ORC5: variants seen among roughly 807,000 people sequenced by gnomAD.
ORC5 encodes protein phosphatase 1, regulatory subunit 117.
Under a neutral mutation model 58.8 loss-of-function variants are expected in ORC5, and 39 were observed. The ratio of observed to expected loss-of-function variants is 0.66; its 90% confidence interval spans 0.51 to 0.87. ORC5 has a LOEUF of 0.87. Among genes scored for constraint, ORC5 ranks in the 40% least tolerant of loss-of-function variants. The probability of loss-of-function intolerance (pLI) is 0.00; values close to 1 mark genes in which losing one functional copy is unlikely to be tolerated. For synonymous variants in ORC5, 218 were observed against 177.6 expected, an observed-to-expected ratio of 1.23 and a Z score of -1.81; for missense variants, 493 against 506.3, an observed-to-expected ratio of 0.97 and a Z score of 0.25.
At chr7:104,189,215 G>C (rs564247803) in intron 5 of ORC5, among the ~76,000 whole-genome samples, 2 of 152,180 alleles carry the variant, frequency 1.3e-5, no homozygotes, top group East Asian at 3.9e-4. Context: ...AAGAAAAGAG[G>C]TTTAATTGAC....
At chr7:104,184,994 C>T (rs943342871) in intron 6 of ORC5, among the ~76,000 whole-genome samples, 2 of 152,032 alleles carry the variant, frequency 1.3e-5, no homozygotes, top group Admixed American at 6.6e-5. Context: ...CTTTCTGTAA[C>T]CTCAGGATGT....
chr7:104,137,597 G>A (rs1209392129), intron 12 of ORC5, among the ~76,000 whole-genome samples: 1 of 152,096 alleles, frequency 6.6e-6, no homozygotes, highest in Non-Finnish European at 1.5e-5. Flanking sequence ...AGAGATACAA[G>A]TGGCTGGACG....
At chr7:104,130,130 T>C (rs1051822811) in intron 13 of ORC5, among the ~76,000 whole-genome samples, 2 of 152,152 alleles carry the variant, frequency 1.3e-5, no homozygotes, top group African/African-American at 4.8e-5. Context: ...TCTTATAGTG[T>C]CTTCCCACTG....
At chr7:104,180,903 C>A (rs1030046448) in intron 8 of ORC5, among the ~76,000 whole-genome samples, 1 of 152,076 alleles carries the variant, frequency 6.6e-6, no homozygotes, top group African/African-American at 2.4e-5. Context: ...AAATTTTTAT[C>A]CATGGCTATT....
At chr7:104,156,560 CAGG>C (rs1798928633) in intron 12 of ORC5, among the ~76,000 whole-genome samples, 2 of 151,732 alleles carry the variant, frequency 1.3e-5, no homozygotes, top group Admixed American at 6.6e-5. Context: ...ACTTTTGCTT[CAGG>C]AGAATTCTGA....
In ORC5 at chr7:104,165,301, A is replaced by T; in HGVS notation, c.991-19T>A. ...CATGATGCTGCAATTAAGGAAAACAAATTTTAAGTTGAAAAGACAGTATTC... is the reference window on the plus strand; with the variant it reads ...CATGATGCTGCAATTAAGGAAAACATATTTTAAGTTGAAAAGACAGTATTC... On this transcript the variant is annotated intron_variant, in intron 10 of 13. Transcript: ENST00000297431. The T allele has an allele frequency of 6.9e-7, 1 of 1,450,902 alleles. No individual in the cohort carries two copies. 89.9% of individuals were successfully genotyped at this position (1,450,902 alleles called of 1,614,324 possible).
rs1799570617 is a variant in ORC5 at position 104,187,400 on chromosome 7, G to C, written c.684+851C>G. The stretch of plus-strand genomic sequence containing the variant: ...GCATAATTTTAAATGATTGCCTTCT[G>C]TGTTCTGTCGCAAACACACACTGAA... On this transcript the variant is annotated intron_variant, in intron 6 of 13. Coordinates refer to ENST00000297431, the MANE Select transcript of ORC5 (RefSeq NM_002553.4). The C allele has an allele frequency of 1.3e-5, 2 of 152,126 alleles. 1 individual carries two copies. Among genetic ancestry groups the C allele is most frequent in the Admixed American group, 1.3e-4 (2 of 15,274 alleles). 9.4% of individuals were successfully genotyped at this position (152,126 alleles called of 1,614,324 possible).
intron 5 of ORC5, among the ~76,000 whole-genome samples, chr7:104,193,101 A>C (rs1299533408): frequency 1.3e-4 from 20 of 152,114 alleles, no homozygotes; most frequent in Non-Finnish European, 4.4e-5. Context: ...AAAGCTGATG[A>C]AACTATACAC....
chr7:104,146,628 C>T (rs763388732), intron 12 of ORC5, among the ~76,000 whole-genome samples: 1 of 151,980 alleles, frequency 6.6e-6, no homozygotes, highest in African/African-American at 2.4e-5. Context: ...GTAGCAATTA[C>T]CAGTTAACAG....
rs1259436817 is a variant in ORC5, at chr7:104,136,275, T to G, written c.1262+506A>C. On this transcript the variant is annotated intron_variant, in intron 13 of 13. Coordinates refer to ENST00000297431, the MANE Select transcript of ORC5 (RefSeq NM_002553.4). The surrounding 1 kb of genome is among the most constrained non-coding windows in gnomAD (Gnocchi z 4.2). ...CCACTCTCCTCGTGCCCCTTCAGTA[T>G]GTATCCATTTGTCTCTCTGAAAACT... Among the ~76,000 whole-genome samples the G allele has an allele frequency of 6.6e-6, 1 of 152,054 alleles. No individual in the cohort carries two copies. Among genetic ancestry groups the G allele is most frequent in the Admixed American group, 6.6e-5 (1 of 15,252 alleles).
At chr7:104,192,150 A>AGAGCTGAGG (rs751304565) in intron 5 of ORC5, among the ~76,000 whole-genome samples, 3 of 152,138 alleles carry the variant, frequency 2.0e-5, no homozygotes, top group Non-Finnish European at 4.4e-5. Flanking sequence ...GACAGAGACC[A>AGAGCTGAGG]GAGCTGAGGG....
At chr7:104,142,007 C>T (rs194858) in intron 12 of ORC5, among the ~76,000 whole-genome samples, 92,711 of 151,962 alleles carry the variant, frequency 0.61, 30,311 homozygotes, top group African/African-American at 0.84. Context: ...TACAAAACTA[C>T]AGTAATCAAA....
intron 1 of ORC5, 124 bp from the exon 2 acceptor site, chr7:104,204,358 T>C (rs1205468771): frequency 2.2e-5 from 14 of 641,054 alleles, no homozygotes; most frequent in Non-Finnish European, 3.7e-5. Context: ...ACAATGAGCA[T>C]ATTGTGGATG....
intron 8 of ORC5, among the ~76,000 whole-genome samples, chr7:104,172,969 T>C (rs1383501288): frequency 7.0e-6 from 1 of 142,746 alleles, no homozygotes; most frequent in Non-Finnish European, 1.5e-5. Flanking sequence ...GACTTTCCTA[T>C]AGCTTTCCAG....
intron 12 of ORC5, among the ~76,000 whole-genome samples, chr7:104,140,820 A>T (rs1186342076): frequency 1.3e-5 from 2 of 152,178 alleles, no homozygotes; most frequent in Non-Finnish European, 2.9e-5. Context: ...CTTACTTATT[A>T]AGGTATCTAC....
In ORC5 at chr7:104,162,039, A is replaced by C. The variant is rs373187825; in HGVS notation, c.1039-857T>G. On this transcript the variant is annotated intron_variant, in intron 11 of 13. Coordinates refer to ENST00000297431, the MANE Select transcript of ORC5 (RefSeq NM_002553.4). ...AAGCCAGCAGCCTAAAACAATGTAA[A>C]ATTTAAAAAAATTTTTTCAATATTG... is the stretch of plus-strand genomic sequence containing the variant. Among the ~76,000 whole-genome samples the C allele has an allele frequency of 2.0e-4, 31 of 152,324 alleles. No homozygotes were observed. The East Asian group carries it at 5.2e-3, about 26-fold the overall frequency.
chr7:104,160,492 G>A (rs547322388), intron 12 of ORC5, among the ~76,000 whole-genome samples: 1 of 152,104 alleles, frequency 6.6e-6, no homozygotes. Context: ...AATCTACTGT[G>A]ACTATAATTT....
intron 12 of ORC5, among the ~76,000 whole-genome samples, chr7:104,154,392 T>TA (rs954551640): frequency 8.6e-5 from 13 of 152,028 alleles, no homozygotes; most frequent in African/African-American, 3.1e-4. Flanking sequence ...ACTACTTAAG[T>TA]AAAAAACTCT....
chr7:104,188,433 A>G lies in ORC5; in HGVS notation c.554-52T>C, dbSNP rs1238367549. On this transcript the variant is annotated intron_variant, in intron 5 of 13. Transcript: ENST00000297431. ...TAATGATTAACATAGTACACTAATC[A>G]TATCTTCAAGCATTTTATAACAAAG... The G allele has an allele frequency of 5.7e-6, 8 of 1,414,484 alleles. No homozygotes were observed. The Admixed American group carries it at 6.1e-5, about 11-fold the overall frequency. 87.6% of individuals were successfully genotyped at this position (1,414,484 alleles called of 1,614,324 possible).
Sources: allele counts gnomAD v4.1 joint callset (sites outside exome capture counted in the v4.1 genomes callset), GRCh38; gene constraint gnomAD v4.1.1; non-coding constraint Gnocchi (gnomAD v3.1); transcripts MANE v1.5; gene names NCBI Gene and HGNC (gene_info 2026-07-23, HGNC 2026-07-21).